Variants in ADAMTS12 observed in about 807,000 individuals in gnomAD.
ADAMTS12 encodes A disintegrin and metalloproteinase with thrombospondin motifs 12.
ADAMTS12 carries 118 observed loss-of-function variants against 167.8 expected under a neutral mutation model. The observed-to-expected ratio is 0.70, with a 90% CI of 0.61 to 0.82. ADAMTS12 has a LOEUF of 0.82. Ranked by LOEUF, ADAMTS12 falls within the 40% of genes least tolerant of loss-of-function variation. The pLI, the probability that ADAMTS12 is intolerant of heterozygous loss-of-function variation, is 0.00. For missense variants in ADAMTS12, 1,916 were observed against 1,998.8 expected, an observed-to-expected ratio of 0.96 and a Z score of 0.79; for synonymous variants, 704 against 716.9, an observed-to-expected ratio of 0.98 and a Z score of 0.29.
At chr5:33,880,116 T>C (rs1008294529) in intron 2 of ADAMTS12, among the ~76,000 whole-genome samples, 27 of 152,334 alleles carry the variant, frequency 1.8e-4, no homozygotes, top group African/African-American at 6.5e-4. Flanking sequence ...CCATCACTGT[T>C]GCTGCATTTT....
intron 2 of ADAMTS12, among the ~76,000 whole-genome samples, chr5:33,864,291 C>T (rs184995822): frequency 1.3e-5 from 2 of 152,268 alleles, no homozygotes; most frequent in African/African-American, 2.4e-5. Flanking sequence ...CAATGAGATG[C>T]CATCTCACAC....
chr5:33,727,263 G>A (rs909830619), intron 3 of ADAMTS12, among the ~76,000 whole-genome samples: 1 of 151,802 alleles, frequency 6.6e-6, no homozygotes, highest in Non-Finnish European at 1.5e-5. Context: ...GGGTGACGAC[G>A]CGTGTGTGTC....
At chr5:33,792,393 T>A (rs1746611785) in intron 2 of ADAMTS12, among the ~76,000 whole-genome samples, 1 of 152,224 alleles carries the variant, frequency 6.6e-6, no homozygotes, top group African/African-American at 2.4e-5. Context: ...CGTAACTGGC[T>A]CCCCTACTTC....
At chr5:33,880,674 C>G (rs1006153914) in intron 2 of ADAMTS12, among the ~76,000 whole-genome samples, 3 of 152,260 alleles carry the variant, frequency 2.0e-5, no homozygotes, top group African/African-American at 7.2e-5. Flanking sequence ...CTCATGAAGT[C>G]TGATTACGAA....
intron 5 of ADAMTS12, among the ~76,000 whole-genome samples, chr5:33,665,182 T>G (rs1741421779): frequency 6.6e-6 from 1 of 152,124 alleles, no homozygotes; most frequent in South Asian, 2.1e-4. Flanking sequence ...CCACATGATC[T>G]CACTTATGTG....
In ADAMTS12 at chr5:33,640,777, A is replaced by G. The variant is rs979222935; in HGVS notation, c.1718+1033T>C. The stretch of plus-strand genomic sequence containing the variant: ...GTAGATACTGTGTTAAATTCCTTAC[A>G]CATACTAACTTATTAACCCTTAGAA... On this transcript the variant is annotated intron_variant, in intron 11 of 23. Transcript: ENST00000504830. Among the ~76,000 whole-genome samples, 5 of 151,226 alleles carry G rather than the reference A, an allele frequency of 3.3e-5. 1 individual carries two copies. Among genetic ancestry groups the G allele is most frequent in the Admixed American group, 3.3e-4 (5 of 15,166 alleles).
intron 3 of ADAMTS12, among the ~76,000 whole-genome samples, chr5:33,689,377 T>G (rs36058833): frequency 0.23 from 33,970 of 147,212 alleles, 3,983 homozygotes; most frequent in East Asian, 0.43. Flanking sequence ...ATCTGCCTAA[T>G]AAAATTTCAG....
intron 2 of ADAMTS12, among the ~76,000 whole-genome samples, chr5:33,869,915 T>A (rs542808000): frequency 1.1e-4 from 17 of 152,306 alleles, no homozygotes; most frequent in African/African-American, 4.1e-4. Flanking sequence ...TACAACTGCA[T>A]AAGGTAGACA....
intron 3 of ADAMTS12, among the ~76,000 whole-genome samples, chr5:33,726,059 C>A (rs1743969741): frequency 6.6e-6 from 1 of 152,200 alleles, no homozygotes; most frequent in South Asian, 2.1e-4. Context: ...TCATTAGTGC[C>A]AGGGCCAGGC....
At chr5:33,607,450 C>T (rs971765460) in intron 16 of ADAMTS12, among the ~76,000 whole-genome samples, 3 of 152,120 alleles carry the variant, frequency 2.0e-5, no homozygotes, top group African/African-American at 7.2e-5. Context: ...TCCCGAAGAC[C>T]TGAATAGAGA....
chr5:33,865,819 C>T (rs116062768), intron 2 of ADAMTS12, among the ~76,000 whole-genome samples: 6,233 of 152,162 alleles, frequency 0.041, 231 homozygotes, highest in East Asian at 0.18. Context: ...ACACCAACAA[C>T]GACCAAGCTG....
At chr5:33,886,028 A>G (rs1750624270) in intron 1 of ADAMTS12, among the ~76,000 whole-genome samples, 1 of 152,176 alleles carries the variant, frequency 6.6e-6, no homozygotes, top group Non-Finnish European at 1.5e-5. Context: ...AGTTATCTCA[A>G]TTTATCCAGA....
At chr5:33,751,357 G>C in intron 3 of ADAMTS12, 47 bp downstream of exon 3, 1 of 1,613,080 alleles carries the variant, frequency 6.2e-7, no homozygotes, top group African/African-American at 1.3e-5. Context: ...ACAACCAAAA[G>C]AACAAAACAG....
At chr5:33,678,040 T>G (rs1741982759) in intron 5 of ADAMTS12, among the ~76,000 whole-genome samples, 1 of 152,012 alleles carries the variant, frequency 6.6e-6, no homozygotes, top group Non-Finnish European at 1.5e-5. Flanking sequence ...CCCATGAGAT[T>G]TATTTAGAAT....
intron 19 of ADAMTS12, among the ~76,000 whole-genome samples, chr5:33,569,051 T>C (rs576436493): frequency 1.3e-5 from 2 of 152,350 alleles, no homozygotes; most frequent in South Asian, 4.1e-4. Context: ...GAGGGGCACC[T>C]GCCATTGCCC....
At chr5:33,861,707 C>A (rs911347361) in intron 2 of ADAMTS12, among the ~76,000 whole-genome samples, 7 of 152,156 alleles carry the variant, frequency 4.6e-5, no homozygotes, top group Middle Eastern at 3.2e-3. Flanking sequence ...CTCTCCACCC[C>A]AAATCAACAG....
In ADAMTS12 at chr5:33,626,274, GGGT is replaced by G. The variant is rs796874231; in HGVS notation, c.2023-1926_2023-1924del. Among the ~76,000 whole-genome samples the G allele has an allele frequency of 3.2e-4, 49 of 151,596 alleles. 1 individual carries two copies. The highest frequency in any genetic ancestry group is 1.1e-3 in the African/African-American group (44 of 41,326). On this transcript the variant is annotated intron_variant, in intron 13 of 23. Transcript: ENST00000504830. ...GGGGGCAGGATGGTGGTAGTGGTGG[GGGT>G]GGTGGTGGTGACAGTGATGGTGCTG...
At chr5:33,568,005 ACAATAG>A (rs1561131217) in intron 19 of ADAMTS12, among the ~76,000 whole-genome samples, 4 of 152,304 alleles carry the variant, frequency 2.6e-5, no homozygotes, top group South Asian at 4.1e-4. Flanking sequence ...CCTTGCCTCT[ACAATAG>A]GGAAAATACT....
At chr5:33,753,584 T>C (rs758131467) in intron 2 of ADAMTS12, among the ~76,000 whole-genome samples, 2 of 152,152 alleles carry the variant, frequency 1.3e-5, no homozygotes, top group Non-Finnish European at 2.9e-5. Flanking sequence ...CCAATACTGA[T>C]GTCCTTGAAG....
Sources: allele counts gnomAD v4.1 joint callset (sites outside exome capture counted in the v4.1 genomes callset), GRCh38; gene constraint gnomAD v4.1.1; transcripts MANE v1.5; gene names NCBI Gene and HGNC (gene_info 2026-07-23, HGNC 2026-07-21).